Variants in RPN1 observed in about 807,000 individuals in gnomAD.
RPN1 encodes ribophorin I.
A neutral mutation model predicts 55.5 loss-of-function variants in RPN1; 12 were observed. That is an observed-to-expected ratio of 0.22 (90% CI 0.14 to 0.35). The LOEUF is 0.35. Ranked by LOEUF, RPN1 falls within the 10% of genes least tolerant of loss-of-function variation. The pLI is 1.00. For synonymous variants in RPN1, 317 were observed against 305.9 expected (o/e 1.04, Z -0.38); for missense variants, 679 against 761.3 (o/e 0.89, Z 1.27).
chr3:128,637,822 T>G lies in RPN1; in HGVS notation c.610A>C (p.Arg204=). The change falls in exon 3 of 10, where the codon AGA becomes CGA. Residue 204 remains arginine, a synonymous_variant. Transcript: ENST00000296255. The stretch of plus-strand genomic sequence containing the variant: ...ACCTGACTATAGGCAGGCACATCTC[T>G]GAAAGGCCCATAATCCAGTAGGTCC... ...SEDLLDYGPF[R]DVPAYSQDTF... 1 of 1,612,698 alleles carries G rather than the reference T, an allele frequency of 6.2e-7. No homozygotes were observed. The highest frequency in any genetic ancestry group is 1.3e-5 in the African/African-American group (1 of 75,020).
At chr3:128,632,562 G>A (rs2069649610) in intron 3 of RPN1, among the ~76,000 whole-genome samples, 1 of 152,042 alleles carries the variant, frequency 6.6e-6, no homozygotes, top group Non-Finnish European at 1.5e-5. Flanking sequence ...AAACCTAAGT[G>A]GCAATACAAG....
At position 128,630,032 on chromosome 3, in the gene RPN1, G is replaced by A. The variant is rs749051807; in HGVS notation, c.955C>T (p.Arg319Cys). 5 of 1,613,366 alleles carry A rather than the reference G, an allele frequency of 3.1e-6. No homozygotes were observed. The highest frequency in any genetic ancestry group is 2.5e-6 in the Non-Finnish European group (3 of 1,179,424). Residue 319 changes from arginine (R) to cysteine (C), a missense_variant, in exon 5 of 10, where the codon CGC becomes TGC. Transcript: ENST00000296255. The stretch of plus-strand genomic sequence containing the variant: ...TTCCACCCGCCAAAGAGAGGGAAGC[G>A]AGGCCGGATTTCCATCTCTACAGAG... ...DDSVEMEIRP[R>C]FPLFGGWKTH...
Position 128,622,429 on chromosome 3 carries a change from CATGTGT to C in RPN1, c.1396-26_1396-21del, listed in dbSNP as rs770469699. The stretch of plus-strand genomic sequence containing the variant: ...TGGATCCTGAAGGAAGGAGAGGCAC[CATGTGT>C]GACAACATCCAGGCTTGGGTCCACT... On this transcript the variant is annotated intron_variant, in intron 8 of 9. Coordinates refer to ENST00000296255, the MANE Select transcript of RPN1 (RefSeq NM_002950.4). 11 of 1,613,216 alleles carry C rather than the reference CATGTGT, an allele frequency of 6.8e-6. No homozygotes were observed. The African/African-American group carries it at 1.5e-4, about 22-fold the overall frequency.
At chr3:128,647,255 T>C (rs2069775748) in intron 1 of RPN1, among the ~76,000 whole-genome samples, 1 of 152,136 alleles carries the variant, frequency 6.6e-6, no homozygotes, top group Non-Finnish European at 1.5e-5. Context: ...GAAGTAGTGA[T>C]TCCCAGTAAG....
At chr3:128,631,201 C>T (rs2069639035) in intron 4 of RPN1, among the ~76,000 whole-genome samples, 1 of 151,686 alleles carries the variant, frequency 6.6e-6, no homozygotes. Context: ...CGGCCGGGCG[C>T]GGTGGCTCAT....
In RPN1 at chr3:128,632,017, C is replaced by T; in HGVS notation, c.774G>A (p.Lys258=). The T allele has an allele frequency of 6.2e-7, 1 of 1,614,196 alleles. No homozygotes were observed. Among genetic ancestry groups the T allele is most frequent in the Non-Finnish European group, 8.5e-7 (1 of 1,180,044 alleles). The part of the protein sequence containing the change: ...VDLKHTGAVL[K]GPFSRYDYQR... Reference sequence around the variant, plus strand: ...GGTAATCATAGCGTGAGAAAGGCCCCTTAAGCACAGCTCCTGTGTGCTTTA... The same window carrying T: ...GGTAATCATAGCGTGAGAAAGGCCCTTTAAGCACAGCTCCTGTGTGCTTTA... Residue 258 remains lysine (K), a synonymous_variant, in exon 4 of 10, where the codon AAG becomes AAA. Coordinates refer to ENST00000296255, the MANE Select transcript of RPN1 (RefSeq NM_002950.4).
intron 2 of RPN1, among the ~76,000 whole-genome samples, chr3:128,638,346 C>T (rs1351201100): frequency 3.3e-5 from 5 of 152,170 alleles, no homozygotes; most frequent in Non-Finnish European, 7.3e-5. Context: ...CTCAACCTCC[C>T]GAATAGCTGG....
At chr3:128,628,528 C>T (rs1033965157) in intron 5 of RPN1, among the ~76,000 whole-genome samples, 5 of 152,240 alleles carry the variant, frequency 3.3e-5, no homozygotes, top group Non-Finnish European at 7.3e-5. Flanking sequence ...GTTACTCCTG[C>T]CTCAGCCTCC....
chr3:128,622,896 CAAA>C (rs781683983), intron 8 of RPN1, among the ~76,000 whole-genome samples: 7 of 98,010 alleles, frequency 7.1e-5, no homozygotes, highest in Admixed American at 1.1e-4. Flanking sequence ...AACTCCATCT[CAAA>C]AAAAAAAAAA....
rs769933827 is a variant in RPN1, at chr3:128,625,854, C to T, written c.1275+20G>A. On this transcript the variant is annotated intron_variant, in intron 7 of 9. Transcript: ENST00000296255. ...TGTCTGGGGAAGACGCCATGGAAGG[C>T]AAACAGTGGAGCCACTCACCACAAT... The T allele has an allele frequency of 6.3e-7, 1 of 1,599,656 alleles. No individual in the cohort carries two copies. The highest frequency in any genetic ancestry group is 1.1e-5 in the South Asian group (1 of 88,704).
chr3:128,627,199 A>G (rs547606649), intron 5 of RPN1: 12 of 274,100 alleles, frequency 4.4e-5, no homozygotes, highest in African/African-American at 2.4e-4. Flanking sequence ...AACTCGGAGC[A>G]GTTGTGCCCT....
chr3:128,628,423 T>C (rs2069616930), intron 5 of RPN1, among the ~76,000 whole-genome samples: 1 of 150,292 alleles, frequency 6.7e-6, no homozygotes, highest in Non-Finnish European at 1.5e-5. Flanking sequence ...AATAATGCTT[T>C]AACATAAATG....
intron 2 of RPN1, chr3:128,642,513 G>A (rs1394429237): frequency 6.6e-6 from 1 of 152,146 alleles, no homozygotes; most frequent in African/African-American, 2.4e-5. Flanking sequence ...GGCCAACATA[G>A]TGAAACCCTC....
intron 2 of RPN1, among the ~76,000 whole-genome samples, chr3:128,639,139 CAA>C (rs898728766): frequency 5.9e-5 from 9 of 151,932 alleles, no homozygotes; most frequent in African/African-American, 2.2e-4. Context: ...TTACAAATGA[CAA>C]AGAATAACTC....
chr3:128,650,060 T>C (rs2069804163), intron 1 of RPN1, among the ~76,000 whole-genome samples: 1 of 152,202 alleles, frequency 6.6e-6, no homozygotes. Context: ...CTTTAATTCA[T>C]TTATTTGTCC....
At chr3:128,640,971 A>G (rs1213423793) in intron 2 of RPN1, 1 of 152,204 alleles carries the variant, frequency 6.6e-6, no homozygotes, top group African/African-American at 2.4e-5. Context: ...AGAACCTTTC[A>G]GCACTCCAAG....
At chr3:128,623,199 G>A (rs1371118378) in intron 8 of RPN1, among the ~76,000 whole-genome samples, 2 of 152,090 alleles carry the variant, frequency 1.3e-5, no homozygotes, top group East Asian at 1.9e-4. Context: ...GAGGTCAGGC[G>A]TTCAAGACCA....
chr3:128,646,495 G>A (rs561955646), intron 1 of RPN1, among the ~76,000 whole-genome samples: 1 of 152,106 alleles, frequency 6.6e-6, no homozygotes, highest in Non-Finnish European at 1.5e-5. Context: ...AGACCAGCCT[G>A]GCCAATATAG....
Position 128,629,823 on chromosome 3 carries a change from C to T in RPN1, c.1036+128G>A. On this transcript the variant is annotated intron_variant, in intron 5 of 9. Coordinates refer to ENST00000296255, the MANE Select transcript of RPN1 (RefSeq NM_002950.4). ...TCGTACCCACTTATAAAAAGTTGTTCCTGATAAAACCAGCCTTCCTCAGAA... is the reference window on the plus strand; with the variant it reads ...TCGTACCCACTTATAAAAAGTTGTTTCTGATAAAACCAGCCTTCCTCAGAA... The T allele has an allele frequency of 5.2e-6, 3 of 579,252 alleles. No individual in the cohort carries two copies. In the South Asian group the frequency reaches 7.4e-5, roughly 14 times the overall value. 35.9% of individuals were successfully genotyped at this position (579,252 alleles called of 1,614,324 possible). A position where few individuals can be genotyped will look rare whatever the true frequency, so the allele number is the denominator to read the frequency against.
Sources: allele counts gnomAD v4.1 joint callset (sites outside exome capture counted in the v4.1 genomes callset), GRCh38; gene constraint gnomAD v4.1.1; transcripts MANE v1.5; gene names NCBI Gene and HGNC (gene_info 2026-07-23, HGNC 2026-07-21).